NWD1: variants seen among roughly 807,000 people sequenced by gnomAD.
NWD1 encodes the protein NACHT and WD repeat domain containing 1.
Under a neutral mutation model 135.1 loss-of-function variants are expected in NWD1, and 129 were observed. The observed-to-expected ratio is 0.96, with a 90% CI of 0.83 to 1.11. NWD1 has a LOEUF of 1.11. NWD1 is among the 50% of genes least tolerant of loss of function. The pLI is 0.00. For synonymous variants in NWD1, 773 were observed against 786.0 expected, an observed-to-expected ratio of 0.98 and a Z score of 0.28; for missense variants, 1,740 against 1,851.3, an observed-to-expected ratio of 0.94 and a Z score of 1.10.
intron 12 of NWD1, among the ~76,000 whole-genome samples, chr19:16,785,007 T>C (rs1969991190): frequency 6.7e-6 from 1 of 150,154 alleles, no homozygotes; most frequent in Non-Finnish European, 1.5e-5. Flanking sequence ...CCCATGGATA[T>C]GAAATGTCCA....
intron 6 of NWD1, among the ~76,000 whole-genome samples, chr19:16,752,480 G>A (rs1012298088): frequency 1.3e-5 from 2 of 151,490 alleles, no homozygotes; most frequent in African/African-American, 4.9e-5. Context: ...ACAGAGTGAG[G>A]CCCCTGTCTA....
chr19:16,736,716 G>A lies in NWD1; in HGVS notation c.164G>A (p.Arg55Gln), dbSNP rs761665270. 3.5e-5 allele frequency: 53 copies of A among 1,535,950 alleles called. No individual in the cohort carries two copies. Among genetic ancestry groups the A allele is most frequent in the East Asian group, 2.0e-4 (8 of 40,924 alleles). Residue 55 changes from arginine to glutamine, a missense_variant, in exon 4 of 19, where the codon CGG becomes CAG. By Grantham distance (43) the Arg-to-Gln change is conservative. Transcript: ENST00000524140. The stretch of plus-strand genomic sequence containing the variant: ...GAACTCTGCTTGGAGGAGGTTGACC[G>A]GTGTTGGAAAACATCCATAGGGCCA... Reference protein sequence around the residue: ...TTELCLEEVDRCWKTSIGPAF... With the variant: ...TTELCLEEVDQCWKTSIGPAF...
chr19:16,741,267 C>A (rs1203946402), intron 4 of NWD1, among the ~76,000 whole-genome samples: 1 of 152,180 alleles, frequency 6.6e-6, no homozygotes. Flanking sequence ...CTTCTTCCTG[C>A]CACAGGGCCT....
Position 16,755,833 on chromosome 19 carries a change from T to C in NWD1, c.1770-3392T>C, listed in dbSNP as rs556407059. Among the ~76,000 whole-genome samples the C allele has an allele frequency of 1.1e-3, 172 of 152,218 alleles. 1 individual carries two copies. Among genetic ancestry groups the C allele is most frequent in the Non-Finnish European group, 2.1e-3 (141 of 68,016 alleles). On this transcript the variant is annotated intron_variant, in intron 6 of 18. Coordinates refer to ENST00000524140, the MANE Select transcript of NWD1 (RefSeq NM_001007525.5). ...GATTACAGGCGTGAGCCACCGTACC[T>C]GGCCTATAATCTATCTCTGTATATA... is the stretch of plus-strand genomic sequence containing the variant.
At position 16,736,648 on chromosome 19, in the gene NWD1, G is replaced by A. The variant is rs1490536426; in HGVS notation, c.96G>A (p.Arg32=). Residue 32 remains arginine (R), a synonymous_variant, in exon 4 of 19, where the codon AGG becomes AGA. Coordinates refer to ENST00000524140, the MANE Select transcript of NWD1 (RefSeq NM_001007525.5). ...HGLMFEVVDL[R]WGIRNIEATD... is the part of the protein sequence containing the mutation. Reference sequence around the variant, plus strand: ...CTATTTCCCAGGTCGTTGATCTGAGGTGGGGTATTCGGAACATTGAAGCCA... The same window carrying A: ...CTATTTCCCAGGTCGTTGATCTGAGATGGGGTATTCGGAACATTGAAGCCA... 2.6e-6 allele frequency: 4 copies of A among 1,534,110 alleles called. No homozygotes were observed. The highest frequency in any genetic ancestry group is 1.2e-5 in the South Asian group (1 of 84,028).
chr19:16,744,379 G>GA (rs1206861419), intron 4 of NWD1, 42 bp from the exon 5 acceptor site: 12 of 1,524,270 alleles, frequency 7.9e-6, no homozygotes, highest in Non-Finnish European at 9.7e-6. Flanking sequence ...CTTGTCTGAA[G>GA]AAAAAAAGTG....
chr19:16,815,833 C>G lies in NWD1; in HGVS notation c.*794C>G, dbSNP rs1413900378. ...CAAATCACTGATGTGGACCACAGAACCTCACAGTTTATAAAGCTGTAGGTG... is the reference window on the plus strand; with the variant it reads ...CAAATCACTGATGTGGACCACAGAAGCTCACAGTTTATAAAGCTGTAGGTG... On this transcript the variant is annotated 3_prime_UTR_variant, in exon 19 of 19. Coordinates refer to ENST00000524140, the MANE Select transcript of NWD1 (RefSeq NM_001007525.5). 1 of 154,052 alleles carries G rather than the reference C, an allele frequency of 6.5e-6. No individual in the cohort carries two copies. Among genetic ancestry groups the G allele is most frequent in the Non-Finnish European group, 1.4e-5 (1 of 69,360 alleles). The allele number at this position is 154,052 out of a possible 1,614,324, so 9.5% of individuals were successfully genotyped here.
chr19:16,800,934 GA>G (rs1169701129), intron 17 of NWD1, among the ~76,000 whole-genome samples: 1 of 152,098 alleles, frequency 6.6e-6, no homozygotes, highest in Non-Finnish European at 1.5e-5. Flanking sequence ...TAGGGTTCAA[GA>G]ACACCTGGGC....
At chr19:16,731,333 G>A (rs1279816221) in intron 3 of NWD1, 55 bp downstream of exon 3, 1 of 1,079,726 alleles carries the variant, frequency 9.3e-7, no homozygotes, top group Admixed American at 2.0e-5. Context: ...TTGACACGTA[G>A]TTCTTGCTCT....
chr19:16,769,494 C>T (rs1469846265), intron 10 of NWD1, among the ~76,000 whole-genome samples: 1 of 151,590 alleles, frequency 6.6e-6, no homozygotes, highest in Non-Finnish European at 1.5e-5. Context: ...CACTAAGTAT[C>T]TCTATTGAAT....
intron 18 of NWD1, among the ~76,000 whole-genome samples, chr19:16,814,120 A>G (rs1401001833): frequency 6.6e-6 from 1 of 152,144 alleles, no homozygotes; most frequent in Non-Finnish European, 1.5e-5. Flanking sequence ...TGATAGCACC[A>G]TTGCACTCCA....
rs1208453736 is a variant in NWD1 at position 16,815,451 on chromosome 19, A to G, written c.*412A>G. ...ATATCTGGACCCATGGCTTCAGATT[A>G]TGGCTTCAGACCTTGTCTCTTCTCA... On this transcript the variant is annotated 3_prime_UTR_variant, in exon 19 of 19. Transcript: ENST00000524140. 1 of 601,388 alleles carries G rather than the reference A, an allele frequency of 1.7e-6. No individual in the cohort carries two copies. The highest frequency in any genetic ancestry group is 1.9e-5 in the African/African-American group (1 of 53,844). The allele number at this position is 601,388 out of a possible 1,614,324, so 37.3% of individuals were successfully genotyped here.
intron 1 of NWD1, among the ~76,000 whole-genome samples, chr19:16,723,143 C>G (rs907628547): frequency 6.6e-6 from 1 of 152,114 alleles, no homozygotes; most frequent in Non-Finnish European, 1.5e-5. Context: ...AAGTGATTCT[C>G]CCATCTCAGC....
At chr19:16,727,767 G>T (rs1400969705) in intron 2 of NWD1, 1 of 152,766 alleles carries the variant, frequency 6.5e-6, no homozygotes, top group African/African-American at 2.4e-5. Context: ...TCCTTTAAGA[G>T]ACCTAGACGT....
At chr19:16,752,968 A>T (rs1968638786) in intron 6 of NWD1, among the ~76,000 whole-genome samples, 1 of 152,220 alleles carries the variant, frequency 6.6e-6, no homozygotes, top group African/African-American at 2.4e-5. Context: ...ACTGCACTCC[A>T]GTCTGGGCAA....
intron 6 of NWD1, among the ~76,000 whole-genome samples, chr19:16,750,876 A>G (rs1257880437): frequency 6.6e-6 from 1 of 152,078 alleles, no homozygotes; most frequent in African/African-American, 2.4e-5. Context: ...AAAAGAAAGA[A>G]AGGACTGCCT....
At chr19:16,788,216 G>A (rs1970115494) in intron 12 of NWD1, among the ~76,000 whole-genome samples, 1 of 131,934 alleles carries the variant, frequency 7.6e-6, no homozygotes, top group Non-Finnish European at 1.6e-5. Context: ...GGCAACAAGA[G>A]CAAAACTTCA....
chr19:16,755,796 C>T (rs533084831), intron 6 of NWD1, among the ~76,000 whole-genome samples: 1 of 151,280 alleles, frequency 6.6e-6, no homozygotes, highest in East Asian at 2.0e-4. Flanking sequence ...CCTTGGCCTC[C>T]CAAAGTGCTG....
chr19:16,788,844 C>T (rs904015464), intron 12 of NWD1, 138 bp from the exon 13 acceptor site: 6 of 693,634 alleles, frequency 8.7e-6, no homozygotes, highest in South Asian at 7.1e-5. Flanking sequence ...CATTTTTATT[C>T]TGATGACTTT....
Sources: allele counts gnomAD v4.1 joint callset (sites outside exome capture counted in the v4.1 genomes callset), GRCh38; gene constraint gnomAD v4.1.1; transcripts MANE v1.5; gene names NCBI Gene and HGNC (gene_info 2026-07-23, HGNC 2026-07-21).